The following MS4A10 variants were observed in gnomAD, a reference collection of about 807,000 sequenced individuals.
MS4A10 encodes membrane spanning 4-domains A10.
A neutral mutation model predicts 27.7 loss-of-function variants in MS4A10; 27 were observed. The observed-to-expected ratio is 0.98, with a 90% confidence interval of 0.72 to 1.35. The LOEUF is 1.35. MS4A10 is among the 40% of genes most tolerant of loss of function. MS4A10 has a pLI of 0.00. For synonymous variants in MS4A10, 139 were observed against 131.2 expected (o/e 1.06, Z -0.41); for missense variants, 338 against 324.7 (o/e 1.04, Z -0.32).
chr11:60,789,541 GAGCCAAC>G (rs1176821145), intron 1 of MS4A10, among the ~76,000 whole-genome samples: 6 of 152,098 alleles, frequency 3.9e-5, no homozygotes, highest in African/African-American at 1.4e-4. Context: ...TCCAATTGTT[GAGCCAAC>G]AGTGCATGAA....
rs1181910063 is a variant in MS4A10 at position 60,800,791 on chromosome 11, T to A, written c.*882T>A. Reference sequence around the variant, plus strand: ...TAGGACAACCCAGTCTTTCTTTTTTTTTTTTTTTTTTTTTTTTTTTGAGAC... The same window carrying A: ...TAGGACAACCCAGTCTTTCTTTTTTATTTTTTTTTTTTTTTTTTTTGAGAC... On this transcript the variant is annotated 3_prime_UTR_variant, in exon 8 of 8. Transcript: ENST00000308287. 1 of 36,358 alleles carries A rather than the reference T, an allele frequency of 2.8e-5. No individual in the cohort carries two copies. Among genetic ancestry groups the A allele is most frequent in the Non-Finnish European group, 5.8e-5 (1 of 17,136 alleles). 2.3% of individuals were successfully genotyped at this position (36,358 alleles called of 1,614,324 possible). A position where few individuals can be genotyped will look rare whatever the true frequency, so the allele number is the denominator to read the frequency against.
chr11:60,786,678 TG>T lies in MS4A10; in HGVS notation c.-23+1261del, dbSNP rs1854345383. Among the ~76,000 whole-genome samples, 6 of 150,988 alleles carry T rather than the reference TG, an allele frequency of 4.0e-5. 1 individual carries two copies. The South Asian group carries it at 1.3e-3, about 32-fold the overall frequency. ...AACTCACCACTCCAGATGATAGGGA[TG>T]GGGTGTACCATGTCTTAACCGAGAA... On this transcript the variant is annotated intron_variant, in intron 1 of 7. Coordinates refer to ENST00000308287, the MANE Select transcript of MS4A10 (RefSeq NM_206893.4).
intron 7 of MS4A10, among the ~76,000 whole-genome samples, chr11:60,799,179 C>T (rs1470531000): frequency 6.6e-6 from 1 of 152,198 alleles, no homozygotes; most frequent in Admixed American, 6.5e-5. Context: ...AGTCTCCCAG[C>T]TTGAAAGCTC....
intron 7 of MS4A10, among the ~76,000 whole-genome samples, chr11:60,799,617 C>A (rs1417241643): frequency 2.6e-5 from 4 of 152,170 alleles, no homozygotes; most frequent in African/African-American, 9.7e-5. Flanking sequence ...TCCACAGACA[C>A]CCCAGGGACA....
rs934198843 is a variant in MS4A10 at position 60,796,184 on chromosome 11, C to T, written c.603+519C>T. On this transcript the variant is annotated intron_variant, in intron 6 of 7. Transcript: ENST00000308287. ...TGCAGGGACTCTATTAAGCATCAAT[C>T]GATGCATCCATTGATGGATGGATGG... Among the ~76,000 whole-genome samples, 13 of 98,876 alleles carry T rather than the reference C, an allele frequency of 1.3e-4. No individual in the cohort carries two copies. In the East Asian group the frequency reaches 3.5e-3, roughly 27 times the overall value. 64.9% of individuals were successfully genotyped at this position (98,876 alleles called of 152,430 possible). A position where few individuals can be genotyped will look rare whatever the true frequency, so the allele number is the denominator to read the frequency against.
At position 60,798,505 on chromosome 11, in the gene MS4A10, A is replaced by T. The variant is rs765268376; in HGVS notation, c.713A>T (p.Gln238Leu). 6.2e-7 allele frequency: 1 copy of T among 1,613,796 alleles called. No homozygotes were observed. Reference sequence around the variant, plus strand: ...ATTCAAGGCGACGCACAACACAAGCAACATCAGAGGTGAAGAGGTTTGGCC... The same window carrying T: ...ATTCAAGGCGACGCACAACACAAGCTACATCAGAGGTGAAGAGGTTTGGCC... ...SVIQGDAQHK[Q>L]HQRLREVKQV... Residue 238 changes from glutamine (Q) to leucine (L), a missense_variant, in exon 7 of 8, where the codon CAA becomes CTA. Gln to Leu is a moderately radical substitution (Grantham distance 113). Transcript: ENST00000308287.
chr11:60,798,716 C>T (rs7113350), intron 7 of MS4A10, among the ~76,000 whole-genome samples: 14,369 of 152,192 alleles, frequency 0.094, 1,363 homozygotes, highest in African/African-American at 0.24. Context: ...ACTCCCAGGG[C>T]CCCCCAGGAA....
intron 4 of MS4A10, among the ~76,000 whole-genome samples, chr11:60,793,309 C>G (rs1204466859): frequency 6.6e-6 from 1 of 152,230 alleles, no homozygotes; most frequent in African/African-American, 2.4e-5. Context: ...GAACCACAGG[C>G]CTCTTGCTTT....
rs755782892 is a variant in MS4A10 at position 60,799,811 on chromosome 11, A to T, written c.723-17A>T. 4.4e-6 allele frequency: 5 copies of T among 1,139,676 alleles called. No homozygotes were observed. The highest frequency in any genetic ancestry group is 4.8e-5 in the East Asian group (2 of 42,012). The allele number at this position is 1,139,676 out of a possible 1,614,324, so 70.6% of individuals were successfully genotyped here. A position where few individuals can be genotyped will look rare whatever the true frequency, so the allele number is the denominator to read the frequency against. On this transcript the variant is annotated splice_polypyrimidine_tract_variant and intron_variant, in intron 7 of 7. Coordinates refer to ENST00000308287, the MANE Select transcript of MS4A10 (RefSeq NM_206893.4). ...TGACCTAGCTGCTGTTGCTATTAAT[A>T]TCTCCATTTCATGCAGGCTCAGAGA...
At chr11:60,792,471 C>A (rs868176869) in intron 4 of MS4A10, 150 bp downstream of exon 4, 2 of 650,012 alleles carry the variant, frequency 3.1e-6, no homozygotes, top group East Asian at 2.7e-5. Flanking sequence ...GATGTCCAAG[C>A]AGAAGGGTCC....
intron 3 of MS4A10, among the ~76,000 whole-genome samples, chr11:60,791,659 G>A (rs1030531210): frequency 2.0e-5 from 3 of 152,230 alleles, no homozygotes; most frequent in Admixed American, 1.3e-4. Flanking sequence ...CAAGCTCCAC[G>A]GCACTGTCTT....
chr11:60,794,488 C>T (rs1321413447), intron 5 of MS4A10, among the ~76,000 whole-genome samples: 1 of 152,148 alleles, frequency 6.6e-6, no homozygotes, highest in South Asian at 2.1e-4. Context: ...ATCAGCCTTG[C>T]AAAGCTGGCC....
intron 1 of MS4A10, among the ~76,000 whole-genome samples, chr11:60,788,161 G>A (rs1854370793): frequency 6.6e-6 from 1 of 152,194 alleles, no homozygotes; most frequent in South Asian, 2.1e-4. Flanking sequence ...AAAGGGAGAA[G>A]AGGCTAACCA....
chr11:60,795,715 G>A (rs776752690), intron 6 of MS4A10, 50 bp downstream of exon 6: 4 of 1,185,906 alleles, frequency 3.4e-6, no homozygotes, highest in Non-Finnish European at 2.3e-6. Flanking sequence ...GGGGCATGAG[G>A]CAGCAGAGAG....
In MS4A10 at chr11:60,798,456, C is replaced by T. The variant is rs1854569008; in HGVS notation, c.664C>T (p.Pro222Ser). The T allele has an allele frequency of 6.2e-7, 1 of 1,613,648 alleles. No homozygotes were observed. Among genetic ancestry groups the T allele is most frequent in the Admixed American group, 1.7e-5 (1 of 60,000 alleles). ...GCATCTCAAAGGCCTGCCGGTGGAG[C>T]CCCCGCCATCCTACCAGAGTGTGAT... ...PLHLKGLPVEPPPSYQSVIQG... is the reference protein window; with the variant it reads ...PLHLKGLPVESPPSYQSVIQG... Residue 222 changes from proline to serine, a missense_variant, in exon 7 of 8, where the codon CCC (proline) becomes TCC (serine). Coordinates refer to ENST00000308287, the MANE Select transcript of MS4A10 (RefSeq NM_206893.4).
At chr11:60,794,207 AGGTG>A in intron 5 of MS4A10, 104 bp downstream of exon 5, 2 of 1,412,838 alleles carry the variant, frequency 1.4e-6, no homozygotes, top group Non-Finnish European at 2.0e-6. Context: ...CCTGGAGCCC[AGGTG>A]TGGGCTGCTG....
In MS4A10 at chr11:60,792,834, C is replaced by T. The variant is rs529435388; in HGVS notation, c.360+513C>T. On this transcript the variant is annotated intron_variant, in intron 4 of 7. Coordinates refer to ENST00000308287, the MANE Select transcript of MS4A10 (RefSeq NM_206893.4). ...TTGACTTACTCCTGACCACTCAAGA[C>T]AACCTGTATGTCTTGTCCTCCCGGA... is the stretch of plus-strand genomic sequence containing the variant. Among the ~76,000 whole-genome samples the T allele has an allele frequency of 2.0e-4, 31 of 152,330 alleles. No homozygotes were observed. In the South Asian group the frequency reaches 6.2e-3, roughly 31 times the overall value.
At chr11:60,787,352 A>T (rs998595367) in intron 1 of MS4A10, among the ~76,000 whole-genome samples, 1 of 152,226 alleles carries the variant, frequency 6.6e-6, no homozygotes, top group Admixed American at 6.5e-5. Flanking sequence ...ACAGCTGGGA[A>T]TAAGTGTTCT....
rs1479808734 is a variant in MS4A10, at chr11:60,791,043, C to A, written c.253C>A (p.Leu85Ile). The A allele has an allele frequency of 8.1e-6, 13 of 1,614,208 alleles. No homozygotes were observed. The highest frequency in any genetic ancestry group is 1.1e-5 in the Non-Finnish European group (13 of 1,180,028). ...GGYLASIVKN[L>I]HLVVLKSWYP... ...CTACCTGGCCTCTATAGTCAAGAAC[C>A]TTCACCTGGTGGTGCTGAAGTCTTG... The change falls in exon 3 of 8, where the codon CTT (leucine) becomes ATT (isoleucine). Residue 85 changes from leucine (L) to isoleucine (I), a missense_variant. Coordinates refer to ENST00000308287, the MANE Select transcript of MS4A10 (RefSeq NM_206893.4).
Sources: gnomAD v4.1 joint callset for allele counts (sites outside exome capture counted in the v4.1 genomes callset) on GRCh38, gnomAD v4.1.1 for gene constraint, MANE v1.5 for transcripts, NCBI Gene and HGNC (gene_info 2026-07-23, HGNC 2026-07-21) for gene names.